CCDC63: variants seen among roughly 807,000 people sequenced by gnomAD.
CCDC63 encodes the protein coiled-coil domain containing 63, also known as coiled-coil domain-containing protein 63.
A neutral mutation model predicts 63.6 loss-of-function variants in CCDC63; 54 were observed. The ratio of observed to expected loss-of-function variants is 0.85; its 90% CI spans 0.68 to 1.07. The LOEUF (loss-of-function observed/expected upper bound fraction) is 1.07. Among genes scored for constraint, CCDC63 ranks in the 50% least tolerant of loss-of-function variants. The pLI is 0.00. For missense variants in CCDC63, 637 were observed against 689.6 expected, an observed-to-expected ratio of 0.92 and a Z score of 0.86; for synonymous variants, 253 against 266.1, an observed-to-expected ratio of 0.95 and a Z score of 0.48.
intron 10 of CCDC63, among the ~76,000 whole-genome samples, chr12:110,903,656 C>T (rs1473375013): frequency 6.6e-6 from 1 of 152,202 alleles, no homozygotes; most frequent in Non-Finnish European, 1.5e-5. Flanking sequence ...AATGAATGCT[C>T]TTGTGACTGC....
chr12:110,892,559 G>A (rs2071369768), intron 8 of CCDC63, among the ~76,000 whole-genome samples: 1 of 152,144 alleles, frequency 6.6e-6, no homozygotes, highest in Non-Finnish European at 1.5e-5. Flanking sequence ...TGACTGCATT[G>A]TTCTAGAATT....
intron 1 of CCDC63, among the ~76,000 whole-genome samples, chr12:110,848,260 T>C (rs1019117530): frequency 6.6e-6 from 1 of 152,146 alleles, no homozygotes; most frequent in African/African-American, 2.4e-5. Flanking sequence ...GGAACAGAAC[T>C]GGAGGTAGGT....
At position 110,904,768 on chromosome 12, in the gene CCDC63, C is replaced by A. The variant is rs1221505795; in HGVS notation, c.1523C>A (p.Pro508His). Residue 508 changes from proline to histidine, a missense_variant, in exon 11 of 12, where the codon CCC becomes CAC. By Grantham distance (77) the Pro-to-His change is moderately conservative. Transcript: ENST00000308208. ...ATCCCCCCAGTGCTGGGGGCTGACC[C>A]CTTCAGCGACAGGTTGGATGATGGT... The part of the protein sequence containing the change: ...KVIPPVLGAD[P>H]FSDRLDDVEQ... 3.1e-6 allele frequency: 5 copies of A among 1,609,898 alleles called. No individual in the cohort carries two copies. Among genetic ancestry groups the A allele is most frequent in the Non-Finnish European group, 4.2e-6 (5 of 1,178,308 alleles).
chr12:110,879,292 A>T (rs548517633), intron 5 of CCDC63, among the ~76,000 whole-genome samples: 1 of 152,210 alleles, frequency 6.6e-6, no homozygotes, highest in Non-Finnish European at 1.5e-5. Context: ...GTGGCTCTCA[A>T]TTGAGGGTGA....
At chr12:110,864,953 T>C (rs917613915) in intron 4 of CCDC63, among the ~76,000 whole-genome samples, 17 of 152,162 alleles carry the variant, frequency 1.1e-4, no homozygotes, top group African/African-American at 4.1e-4. Context: ...GGAGCAGCAA[T>C]TCCAGGCACC....
chr12:110,901,766 C>A (rs2071490672), intron 10 of CCDC63, among the ~76,000 whole-genome samples: 1 of 152,072 alleles, frequency 6.6e-6, no homozygotes, highest in Non-Finnish European at 1.5e-5. Context: ...GGATCTCATT[C>A]TTTTTTTGTA....
chr12:110,863,699 C>T (rs1302795550), intron 4 of CCDC63, among the ~76,000 whole-genome samples: 3 of 152,036 alleles, frequency 2.0e-5, no homozygotes, highest in Non-Finnish European at 4.4e-5. Flanking sequence ...TGCCACCATG[C>T]CTGGCTAATT....
At chr12:110,880,723 GTT>G in intron 6 of CCDC63, among the ~76,000 whole-genome samples, 1 of 35,752 alleles carries the variant, frequency 2.8e-5, no homozygotes, top group East Asian at 9.7e-4. Context: ...GGTGATGATG[GTT>G]ATAGTGATGG....
chr12:110,896,113 T>A (rs1292939385), intron 9 of CCDC63, among the ~76,000 whole-genome samples: 1 of 152,204 alleles, frequency 6.6e-6, no homozygotes, highest in Non-Finnish European at 1.5e-5. Context: ...TTTTTTAAAA[T>A]TGTGATTTTC....
At chr12:110,857,076 G>A (rs1043966206) in intron 3 of CCDC63, among the ~76,000 whole-genome samples, 1 of 151,122 alleles carries the variant, frequency 6.6e-6, no homozygotes, top group Admixed American at 6.6e-5. Flanking sequence ...AAGTGCTGAT[G>A]TTACAGGAGT....
intron 6 of CCDC63, among the ~76,000 whole-genome samples, chr12:110,880,332 GC>G (rs2071183497): frequency 6.6e-6 from 1 of 152,180 alleles, no homozygotes. Flanking sequence ...GAATGTGCAG[GC>G]TTAGAGATGC....
intron 4 of CCDC63, among the ~76,000 whole-genome samples, 161 bp downstream of exon 4, chr12:110,858,936 T>G (rs1190361640): frequency 6.6e-6 from 1 of 152,116 alleles, no homozygotes; most frequent in Non-Finnish European, 1.5e-5. Flanking sequence ...TCGCTACCCT[T>G]GAGACCTCTG....
At chr12:110,865,328 G>T (rs1035261067) in intron 4 of CCDC63, among the ~76,000 whole-genome samples, 2 of 152,136 alleles carry the variant, frequency 1.3e-5, no homozygotes, top group African/African-American at 4.8e-5. Flanking sequence ...TCTAAATGTG[G>T]ATGTAGACCA....
In CCDC63 at chr12:110,853,085, T is replaced by C. The variant is rs546797624; in HGVS notation, c.9+122T>C. On this transcript the variant is annotated intron_variant, in intron 2 of 11. Transcript: ENST00000308208. ...GATCTGTGCTCACCCATTTTGTAGG[T>C]GGGAGGCTGGAGGCTCAGAGACATC... 6.2e-6 allele frequency: 7 copies of C among 1,121,206 alleles called. No homozygotes were observed. In the East Asian group the frequency reaches 7.5e-5, roughly 12 times the overall value. The allele number at this position is 1,121,206 out of a possible 1,614,324, so 69.5% of individuals were successfully genotyped here. A position where few individuals can be genotyped will look rare whatever the true frequency, so the allele number is the denominator to read the frequency against.
At chr12:110,861,341 T>C (rs998209735) in intron 4 of CCDC63, among the ~76,000 whole-genome samples, 1 of 152,166 alleles carries the variant, frequency 6.6e-6, no homozygotes, top group African/African-American at 2.4e-5. Context: ...GTTCTTTCCA[T>C]AAAGGCCCAA....
Position 110,881,213 on chromosome 12 carries a change from C to A in CCDC63, c.770C>A (p.Ala257Asp). ...ATCCGAGAGCTGGAGCGTCTCTATG[C>A]CCATGAGAGCAAGCTCAAGTCCTTC... The part of the protein sequence containing the change: ...LEIRELERLY[A>D]HESKLKSFLL... Residue 257 changes from alanine to aspartate, a missense_variant, in exon 7 of 12, where the codon GCC (alanine) becomes GAC (aspartate). Ala to Asp is a moderately radical substitution (Grantham distance 126). Coordinates refer to ENST00000308208, the MANE Select transcript of CCDC63 (RefSeq NM_152591.3). 6.2e-7 allele frequency: 1 copy of A among 1,613,792 alleles called. No individual in the cohort carries two copies. The highest frequency in any genetic ancestry group is 8.5e-7 in the Non-Finnish European group (1 of 1,179,946).
chr12:110,868,060 C>T (rs1021929454), intron 4 of CCDC63, among the ~76,000 whole-genome samples: 17 of 145,938 alleles, frequency 1.2e-4, no homozygotes, highest in Non-Finnish European at 2.3e-4. Flanking sequence ...GACGGGGTCT[C>T]GGCCGGGCAG....
At position 110,884,150 on chromosome 12, in the gene CCDC63, A is replaced by AT. The variant is rs753341010; in HGVS notation, c.978dup (p.Leu327SerfsTer48). ...GGGAACCTAAACCAGCTCATTGAAG[A>AT]TTTTCTGGCCAAGGAGGAGAAGAAT... On this transcript the variant is annotated frameshift_variant, in exon 8 of 12. Transcript: ENST00000308208. LOFTEE classifies it high-confidence loss of function. The AT allele has an allele frequency of 1.9e-6, 3 of 1,614,058 alleles. No homozygotes were observed. In the African/African-American group the frequency reaches 4.0e-5, roughly 22 times the overall value.
At chr12:110,876,037 C>T (rs762293348) in intron 5 of CCDC63, among the ~76,000 whole-genome samples, 20 of 146,448 alleles carry the variant, frequency 1.4e-4, no homozygotes, top group Admixed American at 7.1e-4. Flanking sequence ...ATCTAGGAGG[C>T]GGAGTTTGCA....
Sources: gnomAD v4.1 joint callset for allele counts (sites outside exome capture counted in the v4.1 genomes callset) on GRCh38, gnomAD v4.1.1 for gene constraint, MANE v1.5 for transcripts, NCBI Gene and HGNC (gene_info 2026-07-23, HGNC 2026-07-21) for gene names.